GPATCH2: variants seen among roughly 807,000 people sequenced by gnomAD.
The protein encoded by GPATCH2 is G-patch domain containing 2.
Under a neutral mutation model 58.0 loss-of-function variants are expected in GPATCH2, and 51 were observed. The observed-to-expected ratio is 0.88, with a 90% CI of 0.70 to 1.11. GPATCH2 has a LOEUF of 1.11. Ranked by LOEUF, GPATCH2 falls within the 50% of genes most tolerant of loss-of-function variation. GPATCH2 has a pLI of 0.00. For synonymous variants in GPATCH2, 222 were observed against 218.5 expected (o/e 1.02, Z -0.14); for missense variants, 625 against 652.2 (o/e 0.96, Z 0.45).
rs541480825 is a variant in GPATCH2, at chr1:217,535,388, A to AT, written c.1099-20500dup. On this transcript the variant is annotated intron_variant, in intron 5 of 9. Coordinates refer to ENST00000366935, the MANE Select transcript of GPATCH2 (RefSeq NM_018040.5). ...GTTAATGTACAAGATTATTATTATG[A>AT]TTTTTTTTTGGAGGGCAGTGGCGTG... Among the ~76,000 whole-genome samples, 15 of 151,496 alleles carry AT rather than the reference A, an allele frequency of 9.9e-5. No individual in the cohort carries two copies. The South Asian group carries it at 1.3e-3, about 13-fold the overall frequency.
intron 8 of GPATCH2, among the ~76,000 whole-genome samples, chr1:217,478,887 G>C (rs1330894478): frequency 6.6e-6 from 1 of 151,872 alleles, no homozygotes; most frequent in Non-Finnish European, 1.5e-5. Context: ...CAAGAGAAAA[G>C]AAACAAGTAA....
chr1:217,607,796 C>T (rs1668432726), intron 5 of GPATCH2, among the ~76,000 whole-genome samples: 1 of 152,170 alleles, frequency 6.6e-6, no homozygotes, highest in South Asian at 2.1e-4. Context: ...AAAATGTTTA[C>T]ATTGATATTT....
chr1:217,609,509 T>C, intron 5 of GPATCH2: 1 of 984,110 alleles, frequency 1.0e-6, no homozygotes, highest in Non-Finnish European at 1.2e-6. Context: ...ATTTTTGCAG[T>C]ACAATGAAAG....
At chr1:217,602,514 T>C (rs894275385) in intron 5 of GPATCH2, among the ~76,000 whole-genome samples, 1 of 152,132 alleles carries the variant, frequency 6.6e-6, no homozygotes, top group Non-Finnish European at 1.5e-5. Flanking sequence ...ATACAGAGGA[T>C]ATAATCACAG....
rs144192389 is a variant in GPATCH2 at position 217,598,481 on chromosome 1, C to T, written c.1098+11840G>A. ...TTTTTTTTTTTGAGACAGAGTCTCG[C>T]TCTGTTGCCCAGGCTGGATGGAGTG... On this transcript the variant is annotated intron_variant, in intron 5 of 9. Coordinates refer to ENST00000366935, the MANE Select transcript of GPATCH2 (RefSeq NM_018040.5). Among the ~76,000 whole-genome samples the T allele has an allele frequency of 5.4e-3, 819 of 152,024 alleles. 3 individuals are homozygous for T. The highest frequency in any genetic ancestry group is 9.0e-3 in the Non-Finnish European group (610 of 67,974).
intron 5 of GPATCH2, among the ~76,000 whole-genome samples, chr1:217,542,588 C>G (rs1252108735): frequency 6.6e-6 from 1 of 152,162 alleles, no homozygotes; most frequent in Non-Finnish European, 1.5e-5. Flanking sequence ...GGAAAACAGC[C>G]AACAGATGGA....
At chr1:217,484,657 A>G (rs1299425297) in intron 8 of GPATCH2, among the ~76,000 whole-genome samples, 1 of 149,714 alleles carries the variant, frequency 6.7e-6, no homozygotes, top group Non-Finnish European at 1.5e-5. Flanking sequence ...ATACACACAT[A>G]TACTTATATA....
chr1:217,469,029 A>G (rs930704175), intron 8 of GPATCH2, among the ~76,000 whole-genome samples: 7 of 152,182 alleles, frequency 4.6e-5, no homozygotes, highest in African/African-American at 1.7e-4. Flanking sequence ...GCTTCATGAA[A>G]GAGACTCTTC....
chr1:217,499,819 A>T (rs1662208933), intron 6 of GPATCH2, among the ~76,000 whole-genome samples: 2 of 152,066 alleles, frequency 1.3e-5, no homozygotes, highest in African/African-American at 4.8e-5. Context: ...GATTAAAAAC[A>T]GCAATTTCTT....
intron 5 of GPATCH2, among the ~76,000 whole-genome samples, chr1:217,559,887 A>AGT (rs1213112954): frequency 1.3e-5 from 2 of 151,974 alleles, no homozygotes; most frequent in Non-Finnish European, 2.9e-5. Context: ...AGAGAGAGAG[A>AGT]GAGAGAGAGA....
In GPATCH2 at chr1:217,457,914, T is replaced by C. The variant is rs371698288; in HGVS notation, c.1278-8577A>G. On this transcript the variant is annotated intron_variant, in intron 8 of 9. Transcript: ENST00000366935. ...GCTGCAGATTCTCTCTTGGCCACCATTTGGTACTTTCTCTTCAAAGATGTC... is the reference window on the plus strand; with the variant it reads ...GCTGCAGATTCTCTCTTGGCCACCACTTGGTACTTTCTCTTCAAAGATGTC... Among the ~76,000 whole-genome samples, 6 of 152,248 alleles carry C rather than the reference T, an allele frequency of 3.9e-5. No individual in the cohort carries two copies. In the East Asian group the frequency reaches 7.7e-4, roughly 20 times the overall value.
intron 5 of GPATCH2, among the ~76,000 whole-genome samples, chr1:217,561,139 T>C (rs1390148828): frequency 6.6e-6 from 1 of 152,216 alleles, no homozygotes; most frequent in Non-Finnish European, 1.5e-5. Flanking sequence ...TTGTGCATTA[T>C]TTACACCTTC....
intron 7 of GPATCH2, among the ~76,000 whole-genome samples, chr1:217,495,591 C>G (rs544451676): frequency 6.7e-4 from 102 of 152,268 alleles, no homozygotes; most frequent in Non-Finnish European, 1.2e-3. Context: ...ATGATGCTTC[C>G]TATAGTTGCC....
At position 217,427,428 on chromosome 1, in the gene GPATCH2, C is replaced by T. The variant is rs1293702966; in HGVS notation, c.*3717G>A. ...ATTAAATGATAATTGTCAATGGGTACTCATTTAAACCAATTTTTAAAGTAC... is the reference window on the plus strand; with the variant it reads ...ATTAAATGATAATTGTCAATGGGTATTCATTTAAACCAATTTTTAAAGTAC... On this transcript the variant is annotated 3_prime_UTR_variant, in exon 10 of 10. Coordinates refer to ENST00000366935, the MANE Select transcript of GPATCH2 (RefSeq NM_018040.5). 2 of 152,014 alleles carry T rather than the reference C, an allele frequency of 1.3e-5. No individual in the cohort carries two copies. Among genetic ancestry groups the T allele is most frequent in the African/African-American group, 2.4e-5 (1 of 41,398 alleles). 9.4% of individuals were successfully genotyped at this position (152,014 alleles called of 1,614,324 possible). A position where few individuals can be genotyped will look rare whatever the true frequency, so the allele number is the denominator to read the frequency against.
intron 9 of GPATCH2, among the ~76,000 whole-genome samples, chr1:217,446,803 T>C (rs1474910991): frequency 3.3e-5 from 5 of 152,194 alleles, no homozygotes; most frequent in Admixed American, 3.3e-4. Flanking sequence ...TCAATGTTTG[T>C]ACCCATATGC....
At chr1:217,628,684 A>G (rs1669579111) in intron 1 of GPATCH2, among the ~76,000 whole-genome samples, 1 of 93,318 alleles carries the variant, frequency 1.1e-5, no homozygotes, top group South Asian at 3.1e-4. Context: ...AATAAAGTTA[A>G]AAAAAAAAAA....
chr1:217,496,693 C>A (rs1245992426), intron 7 of GPATCH2, among the ~76,000 whole-genome samples: 1 of 152,138 alleles, frequency 6.6e-6, no homozygotes, highest in Non-Finnish European at 1.5e-5. Context: ...TATCTTTAAA[C>A]AGAATCACAC....
intron 5 of GPATCH2, among the ~76,000 whole-genome samples, chr1:217,550,205 AG>A (rs1290350528): frequency 2.0e-5 from 3 of 152,194 alleles, no homozygotes; most frequent in Non-Finnish European, 1.5e-5. Context: ...CTGTAAGCTC[AG>A]GTTCCTCTAT....
chr1:217,597,513 C>A (rs1280563416), intron 5 of GPATCH2, among the ~76,000 whole-genome samples: 6 of 152,046 alleles, frequency 3.9e-5, no homozygotes, highest in African/African-American at 1.4e-4. Flanking sequence ...CTCTAGATAC[C>A]TCTTAAACAG....
Sources: allele counts gnomAD v4.1 joint callset (sites outside exome capture counted in the v4.1 genomes callset), GRCh38; gene constraint gnomAD v4.1.1; transcripts MANE v1.5; gene names NCBI Gene and HGNC (gene_info 2026-07-23, HGNC 2026-07-21).